The following ZC3H3 variants were observed in gnomAD, a reference collection of about 807,000 sequenced individuals.
ZC3H3 encodes the protein zinc finger CCCH domain-containing protein 3.
ZC3H3 carries 36 observed loss-of-function variants against 77.3 expected under a neutral mutation model. The observed-to-expected ratio is 0.47, with a 90% CI of 0.36 to 0.61. The LOEUF is 0.61. ZC3H3 is among the 20% of genes least tolerant of loss of function. The probability of loss-of-function intolerance (pLI) is 0.00; values close to 1 mark genes in which losing one functional copy is unlikely to be tolerated. For synonymous variants in ZC3H3, 626 were observed against 555.2 expected, an observed-to-expected ratio of 1.13 and a Z score of -1.79; for missense variants, 1,331 against 1,312.2, an observed-to-expected ratio of 1.01 and a Z score of -0.22.
chr8:143,519,816 AG>A (rs1822183486), intron 3 of ZC3H3, among the ~76,000 whole-genome samples: 1 of 152,168 alleles, frequency 6.6e-6, no homozygotes, highest in Admixed American at 6.5e-5. Context: ...ACGGGCCCAA[AG>A]GCTGCACTGC....
At position 143,528,996 on chromosome 8, in the gene ZC3H3, C is replaced by T. The variant is rs370921698; in HGVS notation, c.1561+7261G>A. Reference sequence around the variant, plus strand: ...ACATGAGGCAGGAGGAAGGAATGCCCATGGTGGCGGGGTGGCTGGCACGCG... The same window carrying T: ...ACATGAGGCAGGAGGAAGGAATGCCTATGGTGGCGGGGTGGCTGGCACGCG... On this transcript the variant is annotated intron_variant, in intron 3 of 11. Coordinates refer to ENST00000262577, the MANE Select transcript of ZC3H3 (RefSeq NM_015117.3). Among the ~76,000 whole-genome samples the T allele has an allele frequency of 8.5e-5, 13 of 152,318 alleles. No individual in the cohort carries two copies. In the South Asian group the frequency reaches 1.2e-3, roughly 15 times the overall value.
At chr8:143,497,615 C>T (rs1209843552) in intron 4 of ZC3H3, among the ~76,000 whole-genome samples, 2 of 152,212 alleles carry the variant, frequency 1.3e-5, no homozygotes, top group African/African-American at 2.4e-5. Flanking sequence ...CTGGAGTAGG[C>T]AGAGCACAGA....
At chr8:143,515,531 GC>G (rs1404542202) in intron 3 of ZC3H3, among the ~76,000 whole-genome samples, 1 of 152,252 alleles carries the variant, frequency 6.6e-6, no homozygotes, top group African/African-American at 2.4e-5. Flanking sequence ...GGCCTCCCAG[GC>G]CCCTCCACTG....
At chr8:143,438,142 A>G (rs1819633813) in intron 11 of ZC3H3, 55 bp from the exon 12 acceptor site, 2 of 1,575,714 alleles carry the variant, frequency 1.3e-6, no homozygotes, top group Non-Finnish European at 1.7e-6. Context: ...GAACCTCCCC[A>G]GCCTGCAAAG....
At position 143,538,461 on chromosome 8, in the gene ZC3H3, T is replaced by TC; in HGVS notation, c.905dup (p.Thr303AsnfsTer2). 1.2e-6 allele frequency: 2 copies of TC among 1,613,124 alleles called. No homozygotes were observed. Among genetic ancestry groups the TC allele is most frequent in the Non-Finnish European group, 1.7e-6 (2 of 1,180,030 alleles). ...AGTTGTTTTTCCGGAACTTGTTAGT[T>TC]CGACAGGTCACAACCAGCGAGGCCT... On this transcript the variant is annotated frameshift_variant, in exon 2 of 12. Coordinates refer to ENST00000262577, the MANE Select transcript of ZC3H3 (RefSeq NM_015117.3). LOFTEE classifies it high-confidence loss of function.
chr8:143,488,410 G>T (rs1268196319), intron 4 of ZC3H3, among the ~76,000 whole-genome samples: 3 of 123,304 alleles, frequency 2.4e-5, no homozygotes, highest in Admixed American at 7.8e-5. Context: ...CCCGCTACAC[G>T]GCCCCATCAC....
intron 3 of ZC3H3, among the ~76,000 whole-genome samples, chr8:143,527,960 G>C (rs1023298954): frequency 1.3e-5 from 2 of 152,106 alleles, no homozygotes; most frequent in African/African-American, 4.8e-5. Context: ...CACCACGCCT[G>C]GGGGCTCATA....
intron 1 of ZC3H3, 101 bp from the exon 2 acceptor site, chr8:143,539,421 T>C: frequency 1.6e-6 from 2 of 1,229,340 alleles, no homozygotes; most frequent in Non-Finnish European, 2.2e-6. Context: ...CCAGATCCCA[T>C]CTCACTTCTG....
chr8:143,502,565 C>T (rs530952377), intron 4 of ZC3H3, among the ~76,000 whole-genome samples: 1 of 152,218 alleles, frequency 6.6e-6, no homozygotes, highest in Non-Finnish European at 1.5e-5. Flanking sequence ...CGTGACAGGA[C>T]CATTTGTAGT....
intron 4 of ZC3H3, among the ~76,000 whole-genome samples, chr8:143,486,116 G>A (rs1821045040): frequency 6.6e-6 from 1 of 152,232 alleles, no homozygotes; most frequent in Non-Finnish European, 1.5e-5. Flanking sequence ...CTTCATAACT[G>A]GCAAGGATGG....
intron 4 of ZC3H3, among the ~76,000 whole-genome samples, chr8:143,502,257 C>G (rs2130403719): frequency 6.6e-6 from 1 of 152,382 alleles, no homozygotes; most frequent in Admixed American, 6.5e-5. Context: ...CCGACGAAGA[C>G]AGTGCCCAAA....
At chr8:143,524,544 C>A (rs1182273476) in intron 3 of ZC3H3, among the ~76,000 whole-genome samples, 18 of 152,260 alleles carry the variant, frequency 1.2e-4, no homozygotes, top group Admixed American at 1.2e-3. Context: ...AGGCCCCCAG[C>A]CCATCACGCT....
chr8:143,490,407 T>G (rs1821169265), intron 4 of ZC3H3, among the ~76,000 whole-genome samples: 1 of 152,184 alleles, frequency 6.6e-6, no homozygotes, highest in Non-Finnish European at 1.5e-5. Context: ...ACTGTCCACA[T>G]GCCAACTGCA....
At chr8:143,532,617 A>G (rs889076061) in intron 3 of ZC3H3, among the ~76,000 whole-genome samples, 1 of 152,242 alleles carries the variant, frequency 6.6e-6, no homozygotes, top group African/African-American at 2.4e-5. Flanking sequence ...GGGCTGAAGG[A>G]GGGCCTGGGA....
intron 9 of ZC3H3, among the ~76,000 whole-genome samples, chr8:143,453,966 G>A (rs1288923198): frequency 6.6e-6 from 1 of 152,186 alleles, no homozygotes; most frequent in African/African-American, 2.4e-5. Flanking sequence ...AAGCTATATA[G>A]TGGTCCTCCC....
chr8:143,531,393 C>T lies in ZC3H3; in HGVS notation c.1561+4864G>A, dbSNP rs1563883973. On this transcript the variant is annotated intron_variant, in intron 3 of 11. Coordinates refer to ENST00000262577, the MANE Select transcript of ZC3H3 (RefSeq NM_015117.3). ...AGGAATCCCCTGCCCCGCCCCCAGC[C>T]GAGGTCTGACTCCAGGCCCAGAGGA... 2.0e-5 allele frequency among the ~76,000 whole-genome samples: 3 copies of T among 152,222 alleles called. 1 individual carries two copies. Among genetic ancestry groups the T allele is most frequent in the South Asian group, 4.1e-4 (2 of 4,834 alleles).
intron 5 of ZC3H3, among the ~76,000 whole-genome samples, chr8:143,471,714 C>A (rs1248952570): frequency 6.6e-6 from 1 of 152,188 alleles, no homozygotes; most frequent in Non-Finnish European, 1.5e-5. Flanking sequence ...TGTCCTCTGC[C>A]GTCAGGGGCC....
intron 3 of ZC3H3, among the ~76,000 whole-genome samples, chr8:143,512,871 C>T (rs1483315614): frequency 2.6e-5 from 4 of 152,346 alleles, no homozygotes; most frequent in East Asian, 1.9e-4. Context: ...TGCTCAGTGG[C>T]GCGGGGAGGT....
At chr8:143,472,730 G>A (rs954150867) in intron 5 of ZC3H3, among the ~76,000 whole-genome samples, 5 of 152,222 alleles carry the variant, frequency 3.3e-5, no homozygotes, top group East Asian at 1.9e-4. Context: ...GGGCTGAGAC[G>A]ACCCAAGGGC....
Sources: gnomAD v4.1 joint callset for allele counts (sites outside exome capture counted in the v4.1 genomes callset) on GRCh38, gnomAD v4.1.1 for gene constraint, MANE v1.5 for transcripts, NCBI Gene and HGNC (gene_info 2026-07-23, HGNC 2026-07-21) for gene names.